The following CRK variants were observed in gnomAD, a reference collection of about 807,000 sequenced individuals.
CRK encodes the protein adapter molecule crk.
In CRK, 4 loss-of-function variants were observed where a neutral mutation model predicts 29.8. The ratio of observed to expected loss-of-function variants is 0.13; its 90% CI spans 0.07 to 0.31. CRK has a LOEUF of 0.31. CRK is among the 10% of genes least tolerant of loss of function. The pLI is 1.00. For synonymous variants in CRK, 153 were observed against 164.9 expected, an observed-to-expected ratio of 0.93 and a Z score of 0.55; for missense variants, 274 against 396.5, an observed-to-expected ratio of 0.69 and a Z score of 2.62.
intron 2 of CRK, among the ~76,000 whole-genome samples, chr17:1,435,977 G>A (rs2073883465): frequency 6.6e-6 from 1 of 152,284 alleles, no homozygotes; most frequent in Non-Finnish European, 1.5e-5. Flanking sequence ...TGGCCAGAAG[G>A]AAGTGGGCTG....
At position 1,439,905 on chromosome 17, in the gene CRK, A is replaced by AC. The variant is rs2073920919; in HGVS notation, c.242-2751_242-2750insG. On this transcript the variant is annotated intron_variant, in intron 1 of 2. Transcript: ENST00000300574. ...TGGTGCCTCACACCTGTAATCCTAGAACTTTAGGAGGCTGAGGTGGGAGGA... is the reference window on the plus strand; with the variant it reads ...TGGTGCCTCACACCTGTAATCCTAGACACTTTAGGAGGCTGAGGTGGGAGGA... 2.6e-5 allele frequency among the ~76,000 whole-genome samples: 4 copies of AC among 152,170 alleles called. No homozygotes were observed. The South Asian group carries it at 8.3e-4, about 32-fold the overall frequency.
chr17:1,436,779 C>G lies in CRK; in HGVS notation c.618G>C (p.Glu206Asp). 1 of 1,584,986 alleles carries G rather than the reference C, an allele frequency of 6.3e-7. No individual in the cohort carries two copies. The highest frequency in any genetic ancestry group is 1.7e-4 in the Middle Eastern group (1 of 5,876). Residue 206 changes from glutamate (E) to aspartate (D), a missense_variant, in exon 2 of 3, where the codon GAG (glutamate) becomes GAC (aspartate). Around this residue, in one of 3 missense-constraint regions of CRK, gnomAD observed 121 missense variants for 154.3 expected, o/e 0.78. Coordinates refer to ENST00000300574, the MANE Select transcript of CRK (RefSeq NM_016823.4). ...CACCCAGTGGCTGTGGGTGGGAACC[C>G]TCCTGGTTACCTCCAATCAGAGCCG... is the stretch of plus-strand genomic sequence containing the variant. The part of the protein sequence containing the change: ...SVSALIGGNQ[E>D]GSHPQPLGGP...
At chr17:1,449,208 G>A (rs555430897) in intron 1 of CRK, among the ~76,000 whole-genome samples, 175 of 152,192 alleles carry the variant, frequency 1.1e-3, no homozygotes, top group African/African-American at 3.9e-3. Flanking sequence ...GGTAACAGGA[G>A]GCACCATCTT....
intron 1 of CRK, among the ~76,000 whole-genome samples, chr17:1,451,698 G>C (rs554967278): frequency 6.6e-6 from 1 of 151,902 alleles, no homozygotes; most frequent in East Asian, 1.9e-4. Context: ...CTGCACTCCA[G>C]TTTGGGCAAC....
rs534695958 is a variant in CRK at position 1,430,362 on chromosome 17, A to C, written c.777+6258T>G. ...TGTACCTGGGCTCATTCTGATTATT[A>C]GTATTATTTTTTGAGACAGAGTCTC... is the stretch of plus-strand genomic sequence containing the variant. On this transcript the variant is annotated intron_variant, in intron 2 of 2. Coordinates refer to ENST00000300574, the MANE Select transcript of CRK (RefSeq NM_016823.4). Among the ~76,000 whole-genome samples the C allele has an allele frequency of 3.5e-5, 5 of 144,030 alleles. No individual in the cohort carries two copies. In the East Asian group the frequency reaches 1.1e-3, roughly 31 times the overall value. The allele number at this position is 144,030 out of a possible 152,430, so 94.5% of individuals were successfully genotyped here. A position where few individuals can be genotyped will look rare whatever the true frequency, so the allele number is the denominator to read the frequency against.
intron 1 of CRK, among the ~76,000 whole-genome samples, chr17:1,438,104 C>G (rs1272837802): frequency 6.6e-6 from 1 of 151,934 alleles, no homozygotes; most frequent in Non-Finnish European, 1.5e-5. Context: ...ATGTATAATT[C>G]CGAAGAAGAA....
intron 1 of CRK, among the ~76,000 whole-genome samples, chr17:1,453,988 A>C (rs1338286859): frequency 1.3e-5 from 2 of 151,382 alleles, no homozygotes; most frequent in African/African-American, 4.9e-5. Flanking sequence ...ATCACCTGAG[A>C]TCAGGAGTTC....
intron 1 of CRK, among the ~76,000 whole-genome samples, chr17:1,453,458 G>A (rs1265998504): frequency 6.6e-6 from 1 of 152,176 alleles, no homozygotes; most frequent in Non-Finnish European, 1.5e-5. Flanking sequence ...CAAAACCCCA[G>A]ATACTATGCA....
At chr17:1,448,580 G>A (rs961245185) in intron 1 of CRK, among the ~76,000 whole-genome samples, 3 of 127,404 alleles carry the variant, frequency 2.4e-5, no homozygotes, top group Non-Finnish European at 3.1e-5. Context: ...CCGAGAATAT[G>A]CCATTGCACT....
intron 1 of CRK, among the ~76,000 whole-genome samples, chr17:1,448,448 A>AC (rs1265023634): frequency 1.3e-5 from 2 of 151,502 alleles, no homozygotes; most frequent in Non-Finnish European, 2.9e-5. Flanking sequence ...ACATGGTGAA[A>AC]CCCATCTCTA....
At chr17:1,451,322 C>T (rs1032182559) in intron 1 of CRK, among the ~76,000 whole-genome samples, 2 of 151,588 alleles carry the variant, frequency 1.3e-5, no homozygotes, top group African/African-American at 2.4e-5. Context: ...CCTCTGCCTC[C>T]GGGGTTCAAG....
intron 1 of CRK, among the ~76,000 whole-genome samples, chr17:1,446,206 A>G (rs927470104): frequency 5.3e-5 from 8 of 152,208 alleles, no homozygotes; most frequent in African/African-American, 1.7e-4. Context: ...ACAAGGAGAA[A>G]GCGGCACGTC....
intron 1 of CRK, among the ~76,000 whole-genome samples, chr17:1,440,991 GGAGTGCAGACCTCAGCT>G (rs892240719): frequency 6.6e-6 from 1 of 152,210 alleles, no homozygotes; most frequent in African/African-American, 2.4e-5. Flanking sequence ...CACCCAGGCG[GGAGTGCAGACCTCAGCT>G]GAGTGCAACC....
At chr17:1,438,718 G>A (rs1598299599) in intron 1 of CRK, among the ~76,000 whole-genome samples, 1 of 152,120 alleles carries the variant, frequency 6.6e-6, no homozygotes, top group African/African-American at 2.4e-5. Flanking sequence ...AGACACGAGT[G>A]TGTATGGTGG....
chr17:1,430,096 G>GT (rs2073824287), intron 2 of CRK, among the ~76,000 whole-genome samples: 2 of 151,010 alleles, frequency 1.3e-5, no homozygotes, highest in African/African-American at 4.9e-5. Flanking sequence ...CCAGGCTGGA[G>GT]TGCAGTGGCA....
chr17:1,447,257 C>A (rs753696507), intron 1 of CRK, among the ~76,000 whole-genome samples: 1 of 152,130 alleles, frequency 6.6e-6, no homozygotes, highest in Non-Finnish European at 1.5e-5. Flanking sequence ...ACAGAAGCAA[C>A]GACAGGATTC....
intron 1 of CRK, among the ~76,000 whole-genome samples, chr17:1,446,318 C>T (rs1425594468): frequency 6.6e-6 from 1 of 152,144 alleles, no homozygotes; most frequent in Non-Finnish European, 1.5e-5. Context: ...ACAACAGAAT[C>T]GCCATGAGCA....
Position 1,423,444 on chromosome 17 carries a change from G to T in CRK, c.*69C>A. On this transcript the variant is annotated 3_prime_UTR_variant, in exon 3 of 3. Transcript: ENST00000300574. ...TGCTTTTGACATCTGTAAGAAAATT[G>T]TATAGATGGCAGTTGGAAAAAAAAA... is the stretch of plus-strand genomic sequence containing the variant. 1 of 1,543,920 alleles carries T rather than the reference G, an allele frequency of 6.5e-7. No individual in the cohort carries two copies. The highest frequency in any genetic ancestry group is 8.8e-7 in the Non-Finnish European group (1 of 1,142,328).
At chr17:1,446,294 C>G (rs1298841053) in intron 1 of CRK, among the ~76,000 whole-genome samples, 1 of 152,186 alleles carries the variant, frequency 6.6e-6, no homozygotes, top group Non-Finnish European at 1.5e-5. Flanking sequence ...GAATAACGCA[C>G]TGTGTCCTGA....
Sources: gnomAD v4.1 joint callset for allele counts (sites outside exome capture counted in the v4.1 genomes callset) on GRCh38, gnomAD v4.1.1 for gene constraint, gnomAD v4.1.1 regional missense constraint, MANE v1.5 for transcripts, NCBI Gene and HGNC (gene_info 2026-07-23, HGNC 2026-07-21) for gene names.